The following FAM118B variants were observed in gnomAD, a reference collection of about 807,000 sequenced individuals.
FAM118B encodes SIR2 antiphage like 1.
In FAM118B, 24 loss-of-function variants were observed where a neutral mutation model predicts 38.5. The observed-to-expected ratio is 0.62, with a 90% CI of 0.45 to 0.88. The LOEUF is 0.88. FAM118B is among the 40% of genes least tolerant of loss of function. The pLI, the probability that FAM118B is intolerant of heterozygous loss-of-function variation, is 0.00. For missense variants in FAM118B, 334 were observed against 420.0 expected (o/e 0.80, Z 1.79); for synonymous variants, 138 against 156.3 (o/e 0.88, Z 0.87).
chr11:126,251,973 C>T (rs1292017042), intron 5 of FAM118B, among the ~76,000 whole-genome samples: 7 of 151,154 alleles, frequency 4.6e-5, no homozygotes, highest in Admixed American at 2.6e-4. Flanking sequence ...TGTGCCTGGC[C>T]GTTTTGTTTT....
At chr11:126,246,983 C>T (rs1259294467) in intron 4 of FAM118B, among the ~76,000 whole-genome samples, 1 of 152,124 alleles carries the variant, frequency 6.6e-6, no homozygotes, top group Non-Finnish European at 1.5e-5. Flanking sequence ...AAAGCGGGAC[C>T]CCCTATCTCT....
chr11:126,226,450 G>C (rs921388719), intron 1 of FAM118B, among the ~76,000 whole-genome samples: 1 of 134,924 alleles, frequency 7.4e-6, no homozygotes, highest in Non-Finnish European at 1.6e-5. Flanking sequence ...GGAACGTGGC[G>C]CAAGTTCCTA....
chr11:126,234,579 A>T (rs1565330458), intron 2 of FAM118B, among the ~76,000 whole-genome samples: 1 of 152,198 alleles, frequency 6.6e-6, no homozygotes, highest in Non-Finnish European at 1.5e-5. Flanking sequence ...GTAAATGGGT[A>T]ATTGGGGGCT....
intron 3 of FAM118B, among the ~76,000 whole-genome samples, chr11:126,238,512 A>G (rs1168308475): frequency 6.6e-6 from 1 of 152,186 alleles, no homozygotes; most frequent in Non-Finnish European, 1.5e-5. Context: ...GTGCAGGTAC[A>G]GAGTTGATTC....
At chr11:126,211,768 C>G (rs1167781343), upstream of FAM118B, 45 of 1,046,990 alleles carry the variant, frequency 4.3e-5, no homozygotes, top group Non-Finnish European at 6.2e-5. Flanking sequence ...GGACGGTGCG[C>G]GCTCAGTGCG....
In FAM118B at chr11:126,250,061, C is replaced by T. The variant is rs1483623567; in HGVS notation, c.340-445C>T. Among the ~76,000 whole-genome samples the T allele has an allele frequency of 6.6e-6, 1 of 150,872 alleles. No individual in the cohort carries two copies. Among genetic ancestry groups the T allele is most frequent in the Non-Finnish European group, 1.5e-5 (1 of 67,856 alleles). Reference sequence around the variant, plus strand: ...ATCATCTCATCTTCCTTATTACGTTCGTATGAGATAGATAATATTTTATCC... The same window carrying T: ...ATCATCTCATCTTCCTTATTACGTTTGTATGAGATAGATAATATTTTATCC... On this transcript the variant is annotated intron_variant, in intron 4 of 8. Transcript: ENST00000533050. The surrounding 1 kb of genome is among the most constrained non-coding windows in gnomAD (Gnocchi z 5.1).
intron 5 of FAM118B, among the ~76,000 whole-genome samples, chr11:126,251,921 A>T (rs1242978552): frequency 6.6e-6 from 1 of 151,956 alleles, no homozygotes; most frequent in African/African-American, 2.4e-5. Flanking sequence ...ACCTCAGGTG[A>T]TCTGCTAACC....
intron 1 of FAM118B, among the ~76,000 whole-genome samples, chr11:126,218,161 T>C (rs530591121): frequency 1.3e-5 from 2 of 152,354 alleles, no homozygotes; most frequent in Admixed American, 1.3e-4. Flanking sequence ...CTTTTTGTAA[T>C]ATCCATTCTT....
At position 126,262,143 on chromosome 11, in the gene FAM118B, A is replaced by G; in HGVS notation, c.*10A>G. ...AGGCTGTAGTACATGAGCGAGCTAG[A>G]GAAATCACCACCGTTTAGACCAAGC... On this transcript the variant is annotated 3_prime_UTR_variant, in exon 9 of 9. Transcript: ENST00000533050. 1 of 1,614,098 alleles carries G rather than the reference A, an allele frequency of 6.2e-7. No homozygotes were observed. The highest frequency in any genetic ancestry group is 8.5e-7 in the Non-Finnish European group (1 of 1,179,946).
In FAM118B at chr11:126,215,499, G is replaced by C. The variant is rs564263464; in HGVS notation, c.-77+3669G>C. ...GGATCACGAGATCAGGAGATGGAGA[G>C]CATCCTGGCTAACACGGTGAAACCC... On this transcript the variant is annotated intron_variant, in intron 1 of 8. Transcript: ENST00000533050. Among the ~76,000 whole-genome samples the C allele has an allele frequency of 4.6e-5, 7 of 152,064 alleles. No homozygotes were observed. In the East Asian group the frequency reaches 1.4e-3, roughly 30 times the overall value.
chr11:126,262,343 G>T lies in FAM118B; in HGVS notation c.*210G>T. 2.9e-3 allele frequency: 1,141 copies of T among 393,270 alleles called. No homozygotes were observed. Among genetic ancestry groups the T allele is most frequent in the Middle Eastern group, 5.6e-3 (12 of 2,148 alleles). The allele number at this position is 393,270 out of a possible 1,614,324, so 24.4% of individuals were successfully genotyped here. ...TATTCTGCCGCCTGTTCAAGTTCAA[G>T]AATAAAAGCGACAGCAGGACCCAAA... is the stretch of plus-strand genomic sequence containing the variant. On this transcript the variant is annotated 3_prime_UTR_variant, in exon 9 of 9. Transcript: ENST00000533050.
chr11:126,258,646 A>G (rs149840674), intron 7 of FAM118B, among the ~76,000 whole-genome samples: 118 of 152,042 alleles, frequency 7.8e-4, no homozygotes, highest in Non-Finnish European at 1.4e-3. Context: ...AGTGTTCTAG[A>G]CTCTCCTGCT....
At chr11:126,242,958 ACAACT>A (rs1376272270) in intron 4 of FAM118B, among the ~76,000 whole-genome samples, 1 of 152,268 alleles carries the variant, frequency 6.6e-6, no homozygotes, top group African/African-American at 2.4e-5. Flanking sequence ...AATAGTGGAA[ACAACT>A]CAAATGTCTA....
chr11:126,241,205 GT>G (rs1950353839), intron 4 of FAM118B, 161 bp downstream of exon 4: 2 of 691,066 alleles, frequency 2.9e-6, no homozygotes, highest in African/African-American at 1.8e-5. Context: ...CGCAATGTCT[GT>G]TTATGGACCC....
chr11:126,242,387 C>T (rs1950370845), intron 4 of FAM118B, among the ~76,000 whole-genome samples: 1 of 151,592 alleles, frequency 6.6e-6, no homozygotes, highest in African/African-American at 2.4e-5. Flanking sequence ...GGCATGAGTT[C>T]AAGACCAGCC....
chr11:126,236,104 T>A (rs1463925424), intron 3 of FAM118B, among the ~76,000 whole-genome samples: 2 of 152,244 alleles, frequency 1.3e-5, no homozygotes, highest in East Asian at 3.8e-4. Flanking sequence ...TCTCCAGTCC[T>A]GTTGCGTTCC....
chr11:126,221,779 G>A (rs77688252), intron 1 of FAM118B, among the ~76,000 whole-genome samples: 4,593 of 152,138 alleles, frequency 0.03, 234 homozygotes, highest in African/African-American at 0.1. Context: ...AGGGGAGGGA[G>A]GAAAACCAGG....
chr11:126,224,521 A>G (rs1299960011), intron 1 of FAM118B, among the ~76,000 whole-genome samples: 5 of 150,910 alleles, frequency 3.3e-5, no homozygotes, highest in Non-Finnish European at 7.4e-5. Context: ...GAGTCATAGT[A>G]CTAATAATTG....
intron 4 of FAM118B, among the ~76,000 whole-genome samples, chr11:126,249,281 A>G (rs1206858906): frequency 6.6e-6 from 1 of 152,222 alleles, no homozygotes; most frequent in African/African-American, 2.4e-5. Flanking sequence ...CAAAATGCAA[A>G]TTTTTAATTT....
Sources: gnomAD v4.1 joint callset for allele counts (sites outside exome capture counted in the v4.1 genomes callset) on GRCh38, gnomAD v4.1.1 for gene constraint, Gnocchi (gnomAD v3.1) non-coding constraint, MANE v1.5 for transcripts, NCBI Gene and HGNC (gene_info 2026-07-23, HGNC 2026-07-21) for gene names.